SPOCK3: variants seen among roughly 807,000 people sequenced by gnomAD.
SPOCK3 encodes SPARC (osteonectin), cwcv and kazal like domains proteoglycan 3.
SPOCK3 carries 30 observed loss-of-function variants against 56.6 expected under a neutral mutation model. The ratio of observed to expected loss-of-function variants is 0.53; its 90% CI spans 0.40 to 0.72. The LOEUF (loss-of-function observed/expected upper bound fraction) is 0.72, where lower values mean the gene tolerates loss of function less well. Among genes scored for constraint, SPOCK3 ranks in the 30% least tolerant of loss-of-function variants. The pLI is 0.00. For synonymous variants in SPOCK3, 196 were observed against 183.3 expected, an observed-to-expected ratio of 1.07 and a Z score of -0.56; for missense variants, 527 against 530.0, an observed-to-expected ratio of 0.99 and a Z score of 0.06.
intron 2 of SPOCK3, among the ~76,000 whole-genome samples, chr4:167,180,472 G>A (rs553201349): frequency 2.6e-5 from 4 of 152,260 alleles, no homozygotes; most frequent in South Asian, 2.1e-4. Context: ...TTCATTACCC[G>A]TGAGGAGAAA....
chr4:166,956,033 A>G lies in SPOCK3; in HGVS notation c.351-43290T>C, dbSNP rs149717172. Among the ~76,000 whole-genome samples, 435 of 152,220 alleles carry G rather than the reference A, an allele frequency of 2.9e-3. 3 individuals carry two copies. Among genetic ancestry groups the G allele is most frequent in the African/African-American group, 0.01 (418 of 41,548 alleles). ...AACTCCAACAGTTCTTGGTGAGTTC[A>G]GTATCCATATAGAAGATACTTTCAT... On this transcript the variant is annotated intron_variant, in intron 4 of 10. Transcript: ENST00000357545.
chr4:167,072,491 TA>T (rs1448769610), intron 2 of SPOCK3, among the ~76,000 whole-genome samples: 1 of 151,896 alleles, frequency 6.6e-6, no homozygotes, highest in Non-Finnish European at 1.5e-5. Context: ...AAAGAAGGCT[TA>T]AAAAAATGAG....
intron 4 of SPOCK3, among the ~76,000 whole-genome samples, chr4:166,937,157 C>A (rs1740498824): frequency 6.6e-6 from 1 of 151,718 alleles, no homozygotes; most frequent in Non-Finnish European, 1.5e-5. Context: ...TTGGTAGATA[C>A]CAAAAATAAG....
intron 2 of SPOCK3, among the ~76,000 whole-genome samples, chr4:167,081,614 T>C (rs1405047921): frequency 1.3e-5 from 2 of 152,064 alleles, no homozygotes; most frequent in Non-Finnish European, 2.9e-5. Flanking sequence ...TAAGTTGTCA[T>C]TAAAATCTCT....
intron 6 of SPOCK3, among the ~76,000 whole-genome samples, chr4:166,818,969 A>C (rs1243035171): frequency 6.6e-6 from 1 of 152,020 alleles, no homozygotes; most frequent in Non-Finnish European, 1.5e-5. Context: ...ATTCCCACAC[A>C]TTGTATACTT....
chr4:166,839,233 T>A (rs899954979), intron 6 of SPOCK3, among the ~76,000 whole-genome samples: 1 of 152,164 alleles, frequency 6.6e-6, no homozygotes, highest in Non-Finnish European at 1.5e-5. Context: ...CCTGCTTCAC[T>A]GTTTCATCAC....
intron 6 of SPOCK3, among the ~76,000 whole-genome samples, chr4:166,867,662 G>T (rs1321898073): frequency 6.6e-6 from 1 of 151,272 alleles, no homozygotes; most frequent in Non-Finnish European, 1.5e-5. Context: ...TTAAAGATTA[G>T]GCAAATGTGT....
intron 2 of SPOCK3, among the ~76,000 whole-genome samples, chr4:167,202,770 C>A (rs920069478): frequency 1.1e-4 from 16 of 150,132 alleles, no homozygotes; most frequent in Non-Finnish European, 1.9e-4. Context: ...AAAAAAAAAA[C>A]TATGGAGATT....
chr4:167,205,326 A>T lies in SPOCK3; in HGVS notation c.189+28659T>A, dbSNP rs1315132045. Among the ~76,000 whole-genome samples, 209 of 39,168 alleles carry T rather than the reference A, an allele frequency of 5.3e-3. 2 individuals are homozygous for T. The highest frequency in any genetic ancestry group is 6.1e-3 in the African/African-American group (61 of 10,078). The allele number at this position is 39,168 out of a possible 152,430, so 25.7% of individuals were successfully genotyped here. ...TATATATTATATATTTTATATATAT[A>T]ATATATATTATATATTATATATATA... On this transcript the variant is annotated intron_variant, in intron 2 of 10. Coordinates refer to ENST00000357545, the MANE Select transcript of SPOCK3 (RefSeq NM_001040159.2).
chr4:166,818,150 C>T (rs1744566391), intron 6 of SPOCK3, among the ~76,000 whole-genome samples: 1 of 151,986 alleles, frequency 6.6e-6, no homozygotes, highest in African/African-American at 2.4e-5. Flanking sequence ...TTCTGTTCCT[C>T]ATCTAAGTCA....
chr4:167,122,113 CTTT>C (rs548199986), intron 2 of SPOCK3, among the ~76,000 whole-genome samples: 1 of 143,462 alleles, frequency 7.0e-6, no homozygotes, highest in African/African-American at 2.5e-5. Flanking sequence ...CTTCTCTTCT[CTTT>C]TTTCTTTTTT....
chr4:166,949,478 C>G (rs1742234612), intron 4 of SPOCK3, among the ~76,000 whole-genome samples: 1 of 152,060 alleles, frequency 6.6e-6, no homozygotes, highest in Admixed American at 6.6e-5. Flanking sequence ...GTTTTATCTA[C>G]TTTTGGTCTT....
chr4:166,776,246 C>G (rs1739528898), intron 7 of SPOCK3, among the ~76,000 whole-genome samples: 1 of 151,988 alleles, frequency 6.6e-6, no homozygotes, highest in Non-Finnish European at 1.5e-5. Flanking sequence ...AACTCCCTCT[C>G]TGCTAAAAAT....
At chr4:167,087,952 G>A (rs977899777) in intron 2 of SPOCK3, among the ~76,000 whole-genome samples, 1 of 151,834 alleles carries the variant, frequency 6.6e-6, no homozygotes, top group African/African-American at 2.4e-5. Flanking sequence ...GAAAAAGATG[G>A]TAGTAGATAA....
At position 166,748,765 on chromosome 4, in the gene SPOCK3, A is replaced by C. The variant is rs1298136297; in HGVS notation, c.931+5743T>G. ...GACAAAGGGCTAACATCCAGAATCC[A>C]CAAAGAACTTGAACAAATTTATAAG... On this transcript the variant is annotated intron_variant, in intron 8 of 10. Coordinates refer to ENST00000357545, the MANE Select transcript of SPOCK3 (RefSeq NM_001040159.2). Among the ~76,000 whole-genome samples the C allele has an allele frequency of 8.0e-5, 11 of 137,552 alleles. 3 individuals carry two copies. Among genetic ancestry groups the C allele is most frequent in the Admixed American group, 2.8e-4 (4 of 14,326 alleles). 90.2% of individuals were successfully genotyped at this position (137,552 alleles called of 152,430 possible). A position where few individuals can be genotyped will look rare whatever the true frequency, so the allele number is the denominator to read the frequency against.
intron 2 of SPOCK3, among the ~76,000 whole-genome samples, chr4:167,218,369 T>C (rs1337338156): frequency 6.6e-6 from 1 of 152,158 alleles, no homozygotes; most frequent in African/African-American, 2.4e-5. Context: ...TTGTCACCTT[T>C]GAGGCTGATG....
chr4:167,193,648 T>C (rs543752032), intron 2 of SPOCK3, among the ~76,000 whole-genome samples: 1 of 146,116 alleles, frequency 6.8e-6, no homozygotes, highest in African/African-American at 2.6e-5. Context: ...TATATAGTAT[T>C]CTTAATTGGC....
intron 2 of SPOCK3, among the ~76,000 whole-genome samples, chr4:167,181,155 A>G (rs1731420750): frequency 6.6e-6 from 1 of 152,014 alleles, no homozygotes; most frequent in Non-Finnish European, 1.5e-5. Flanking sequence ...CTGACCTTAA[A>G]CTTAACATTC....
intron 3 of SPOCK3, among the ~76,000 whole-genome samples, chr4:167,036,055 C>T (rs1428642320): frequency 6.6e-6 from 1 of 152,184 alleles, no homozygotes; most frequent in Non-Finnish European, 1.5e-5. Context: ...TTTTTAACTT[C>T]ATATTTTAAA....
Sources: gnomAD v4.1 joint callset for allele counts (sites outside exome capture counted in the v4.1 genomes callset) on GRCh38, gnomAD v4.1.1 for gene constraint, MANE v1.5 for transcripts, NCBI Gene and HGNC (gene_info 2026-07-23, HGNC 2026-07-21) for gene names.